PER2: variants seen among roughly 807,000 people sequenced by gnomAD.
The protein encoded by PER2 is period circadian regulator 2.
Under a neutral mutation model 121.0 loss-of-function variants are expected in PER2, and 66 were observed. That is an observed-to-expected ratio of 0.55 (90% CI 0.45 to 0.67). The LOEUF (loss-of-function observed/expected upper bound fraction) is 0.67. Ranked by LOEUF, PER2 falls within the 30% of genes least tolerant of loss-of-function variation. The pLI is 0.00. For synonymous variants in PER2, 684 were observed against 659.9 expected (o/e 1.04, Z -0.56); for missense variants, 1,521 against 1,635.0 (o/e 0.93, Z 1.20).
At chr2:238,290,356 A>G (rs1008145979), upstream of PER2, among the ~76,000 whole-genome samples, 5 of 151,390 alleles carry the variant, frequency 3.3e-5, no homozygotes, top group African/African-American at 9.7e-5. Flanking sequence ...CGCCCTGCAC[A>G]CACCCAAAGG....
rs1695399731 is a variant in PER2 at position 238,244,770 on chromosome 2, G to A, written c.*1605C>T. 1 of 152,180 alleles carries A rather than the reference G, an allele frequency of 6.6e-6. No individual in the cohort carries two copies. 9.4% of individuals were successfully genotyped at this position (152,180 alleles called of 1,614,324 possible). A position where few individuals can be genotyped will look rare whatever the true frequency, so the allele number is the denominator to read the frequency against. Reference sequence around the variant, plus strand: ...AACAGAAAACCCTGGTCCCAGTTGGGCGTGGTGGCTCACGCCTGTAATCCC... The same window carrying A: ...AACAGAAAACCCTGGTCCCAGTTGGACGTGGTGGCTCACGCCTGTAATCCC... On this transcript the variant is annotated 3_prime_UTR_variant, in exon 23 of 23. Coordinates refer to ENST00000254657, the MANE Select transcript of PER2 (RefSeq NM_022817.3).
chr2:238,264,826 G>A (rs556086364), intron 9 of PER2, among the ~76,000 whole-genome samples: 5 of 152,248 alleles, frequency 3.3e-5, no homozygotes, highest in South Asian at 2.1e-4. Flanking sequence ...GTCTTGCTAC[G>A]TTTTGAACTC....
intron 1 of PER2, 131 bp from the exon 2 acceptor site, chr2:238,278,086 GTC>G (rs778225399): frequency 8.7e-3 from 7,687 of 886,838 alleles, no homozygotes; most frequent in East Asian, 0.012. Context: ...TCTTCTCTCT[GTC>G]TCTCTCTCTC....
chr2:238,291,284 A>G (rs1388476207), upstream of PER2, among the ~76,000 whole-genome samples: 1 of 152,208 alleles, frequency 6.6e-6, no homozygotes, highest in Non-Finnish European at 1.5e-5. Flanking sequence ...TTCCACCAGT[A>G]AGCCTGGCCC....
At position 238,252,532 on chromosome 2, in the gene PER2, A is replaced by C. The variant is rs1368351389; in HGVS notation, c.3111+380T>G. Among the ~76,000 whole-genome samples the C allele has an allele frequency of 6.6e-6, 1 of 152,190 alleles. No homozygotes were observed. Among genetic ancestry groups the C allele is most frequent in the Non-Finnish European group, 1.5e-5 (1 of 68,030 alleles). ...CTCCTTCTCCGCCTTCACCGGGGCC[A>C]CCTGAGCCAGGCTCCGGCGCCACAC... On this transcript the variant is annotated intron_variant, in intron 19 of 22. Transcript: ENST00000254657. The surrounding 1 kb of genome is among the most constrained non-coding windows in gnomAD (Gnocchi z 4.2).
rs189869785 is a variant in PER2, at chr2:238,278,006, G to A, written c.-19-51C>T. 3.1e-5 allele frequency: 49 copies of A among 1,576,250 alleles called. No individual in the cohort carries two copies. In the African/African-American group the frequency reaches 6.2e-4, roughly 20 times the overall value. Reference sequence around the variant, plus strand: ...GCATTAACAAGCACACGCACAAGGGGCGCTGCAGCCATCAGGTAGAGCACC... The same window carrying A: ...GCATTAACAAGCACACGCACAAGGGACGCTGCAGCCATCAGGTAGAGCACC... On this transcript the variant is annotated intron_variant, in intron 1 of 22. Transcript: ENST00000254657.
chr2:238,260,982 C>T, intron 12 of PER2, 29 bp from the exon 13 acceptor site: 1 of 1,608,020 alleles, frequency 6.2e-7, no homozygotes, highest in African/African-American at 1.3e-5. Flanking sequence ...GCGCTACAGA[C>T]ACAGCCAGGG....
At chr2:238,293,487 G>A (rs1173664232), upstream of PER2, among the ~76,000 whole-genome samples, 1 of 152,020 alleles carries the variant, frequency 6.6e-6, no homozygotes, top group Non-Finnish European at 1.5e-5. Flanking sequence ...GAAAAACCAA[G>A]GACTTGGGAG....
chr2:238,256,821 G>T, intron 17 of PER2, 101 bp downstream of exon 17: 1 of 1,210,848 alleles, frequency 8.3e-7, no homozygotes. Context: ...ATCGGGCTAT[G>T]GTGGAGTTCT....
intron 17 of PER2, among the ~76,000 whole-genome samples, chr2:238,256,313 C>G (rs1695758982): frequency 1.3e-5 from 2 of 152,134 alleles, no homozygotes; most frequent in African/African-American, 4.8e-5. Context: ...ATGGGGCAGA[C>G]AGGACAAGGG....
At chr2:238,296,774 G>A in the PER2 span, among the ~76,000 whole-genome samples, 1 of 152,214 alleles carries the variant, frequency 6.6e-6, no homozygotes, top group East Asian at 1.9e-4. Context: ...ACGGTGTGGC[G>A]GCCCCAGGGG....
intron 1 of PER2, among the ~76,000 whole-genome samples, chr2:238,283,423 T>C (rs1427083841): frequency 6.6e-6 from 1 of 152,234 alleles, no homozygotes; most frequent in Non-Finnish European, 1.5e-5. Flanking sequence ...TCAGACTCCA[T>C]TCTCAAGAGA....
At chr2:238,257,342 C>T (rs935223344) in intron 16 of PER2, among the ~76,000 whole-genome samples, 2 of 152,242 alleles carry the variant, frequency 1.3e-5, no homozygotes, top group Non-Finnish European at 2.9e-5. Context: ...TGCAGGGAGG[C>T]GCAGCAGCTT....
At chr2:238,286,326 C>A (rs1380405459) in intron 1 of PER2, among the ~76,000 whole-genome samples, 1 of 152,164 alleles carries the variant, frequency 6.6e-6, no homozygotes, top group African/African-American at 2.4e-5. Flanking sequence ...AGCACGGCAG[C>A]TCACTCTGTC....
At chr2:238,277,508 G>T (rs888865141) in intron 2 of PER2, among the ~76,000 whole-genome samples, 199 bp downstream of exon 2, 15 of 152,226 alleles carry the variant, frequency 9.9e-5, no homozygotes, top group Admixed American at 9.8e-4. Flanking sequence ...GTACCTGTCT[G>T]TTGGCAACTG....
chr2:238,269,100 G>A lies in PER2; in HGVS notation c.773-126C>T. On this transcript the variant is annotated intron_variant, in intron 6 of 22. Transcript: ENST00000254657. ...TCAAGGTGAAAACTGAAAATTTATG[G>A]AAGCACAAAGTAAATCCTTTATGTG... is the stretch of plus-strand genomic sequence containing the variant. 4.0e-6 allele frequency: 3 copies of A among 746,396 alleles called. No individual in the cohort carries two copies. In the South Asian group the frequency reaches 4.6e-5, roughly 11 times the overall value. The allele number at this position is 746,396 out of a possible 1,614,324, so 46.2% of individuals were successfully genotyped here. A position where few individuals can be genotyped will look rare whatever the true frequency, so the allele number is the denominator to read the frequency against.
At chr2:238,265,979 T>C (rs1006707167) in intron 8 of PER2, among the ~76,000 whole-genome samples, 11 of 152,026 alleles carry the variant, frequency 7.2e-5, no homozygotes, top group South Asian at 2.1e-4. Flanking sequence ...TCTCGGCTCA[T>C]TGCAACCTCC....
chr2:238,252,304 C>A lies in PER2; in HGVS notation c.3112-543G>T, dbSNP rs1255321887. Reference sequence around the variant, plus strand: ...CTTCCTCACCCGGGAGCCCTAGGTCCTCTGGCCAAGGCAGGGAATCGCCTG... The same window carrying A: ...CTTCCTCACCCGGGAGCCCTAGGTCATCTGGCCAAGGCAGGGAATCGCCTG... On this transcript the variant is annotated intron_variant, in intron 19 of 22. Coordinates refer to ENST00000254657, the MANE Select transcript of PER2 (RefSeq NM_022817.3). This position sits in a 1 kb window ranked among gnomAD's most constrained non-coding sequence, Gnocchi z 4.2. 6.6e-6 allele frequency among the ~76,000 whole-genome samples: 1 copy of A among 152,362 alleles called. No homozygotes were observed. The highest frequency in any genetic ancestry group is 1.9e-4 in the East Asian group (1 of 5,190).
rs373246562 is a variant in PER2 at position 238,273,042 on chromosome 2, G to A, written c.570+28C>T. The A allele has an allele frequency of 8.1e-5, 130 of 1,613,302 alleles. No homozygotes were observed. The Middle Eastern group carries it at 9.9e-4, about 12-fold the overall frequency. ...TGCAGGAGGAACTCCTGCCATTTTAGAAAGAAACTTTGCGGAAAGAGGCTT... is the reference window on the plus strand; with the variant it reads ...TGCAGGAGGAACTCCTGCCATTTTAAAAAGAAACTTTGCGGAAAGAGGCTT... On this transcript the variant is annotated intron_variant, in intron 5 of 22. Transcript: ENST00000254657.
Sources: gnomAD v4.1 joint callset for allele counts (sites outside exome capture counted in the v4.1 genomes callset) on GRCh38, gnomAD v4.1.1 for gene constraint, Gnocchi (gnomAD v3.1) non-coding constraint, MANE v1.5 for transcripts, NCBI Gene and HGNC (gene_info 2026-07-23, HGNC 2026-07-21) for gene names.